The following SLC25A21 variants were observed in gnomAD, a reference collection of about 807,000 sequenced individuals.
The protein encoded by SLC25A21 is mitochondrial 2-oxodicarboxylate carrier.
SLC25A21 carries 47 observed loss-of-function variants against 43.8 expected under a neutral mutation model. The observed-to-expected ratio is 1.07, with a 90% CI of 0.85 to 1.37. The LOEUF is 1.37. Ranked by LOEUF, SLC25A21 falls within the 40% of genes most tolerant of loss-of-function variation. The probability of loss-of-function intolerance (pLI) is 0.00; values close to 1 mark genes in which losing one functional copy is unlikely to be tolerated. For missense variants in SLC25A21, 352 were observed against 350.2 expected, an observed-to-expected ratio of 1.00 and a Z score of -0.04; for synonymous variants, 131 against 121.3, an observed-to-expected ratio of 1.08 and a Z score of -0.52.
At chr14:36,708,359 GCTAT>G (rs1238176994) in intron 7 of SLC25A21, among the ~76,000 whole-genome samples, 1 of 152,214 alleles carries the variant, frequency 6.6e-6, no homozygotes, top group Non-Finnish European at 1.5e-5. Context: ...TGTGGGAAGT[GCTAT>G]CTAATAGATA....
At chr14:36,911,589 G>C (rs1891687782) in intron 1 of SLC25A21, among the ~76,000 whole-genome samples, 1 of 152,108 alleles carries the variant, frequency 6.6e-6, no homozygotes, top group Non-Finnish European at 1.5e-5. Context: ...ATTTCTTTTA[G>C]GGACCCAGCA....
intron 1 of SLC25A21, among the ~76,000 whole-genome samples, chr14:36,912,971 C>T (rs1183759999): frequency 2.0e-5 from 3 of 152,286 alleles, no homozygotes; most frequent in East Asian, 3.9e-4. Context: ...CTTCCTCCAA[C>T]CTTTCTCCTT....
At chr14:36,681,310 T>C (rs1882246362) in intron 9 of SLC25A21, among the ~76,000 whole-genome samples, 1 of 152,196 alleles carries the variant, frequency 6.6e-6, no homozygotes, top group Admixed American at 6.5e-5. Flanking sequence ...CAGTTGTATA[T>C]GGATTTGAAC....
At chr14:36,814,935 A>G (rs980884718) in intron 2 of SLC25A21, among the ~76,000 whole-genome samples, 23 of 152,218 alleles carry the variant, frequency 1.5e-4, no homozygotes, top group African/African-American at 5.5e-4. Flanking sequence ...CCCATCAATG[A>G]TAGACTGGAT....
chr14:36,732,130 TTCTC>T (rs1018425976), intron 4 of SLC25A21, among the ~76,000 whole-genome samples: 1 of 152,246 alleles, frequency 6.6e-6, no homozygotes. Context: ...TGTGGGAATT[TTCTC>T]TCTATGTATA....
At chr14:36,713,190 G>C (rs1883967794) in intron 6 of SLC25A21, among the ~76,000 whole-genome samples, 1 of 152,134 alleles carries the variant, frequency 6.6e-6, no homozygotes, top group South Asian at 2.1e-4. Context: ...GAGCAGCAGA[G>C]AAACCAACGG....
At chr14:36,957,529 C>A (rs2138669664) in intron 1 of SLC25A21, among the ~76,000 whole-genome samples, 1 of 152,338 alleles carries the variant, frequency 6.6e-6, no homozygotes, top group South Asian at 2.1e-4. Flanking sequence ...TAGATCCTTT[C>A]TGCTTCACAG....
At chr14:37,066,528 CA>C (rs1233141996) in intron 1 of SLC25A21, among the ~76,000 whole-genome samples, 1 of 151,832 alleles carries the variant, frequency 6.6e-6, no homozygotes, top group Non-Finnish European at 1.5e-5. Flanking sequence ...TAAAATTTAC[CA>C]TGCAAAAAGT....
intron 1 of SLC25A21, 92 bp downstream of exon 1, chr14:37,172,189 C>G (rs1429743298): frequency 7.6e-7 from 1 of 1,314,130 alleles, no homozygotes; most frequent in African/African-American, 1.5e-5. Flanking sequence ...GAGGGCAGAA[C>G]TTCAGTAAGG....
intron 3 of SLC25A21, among the ~76,000 whole-genome samples, chr14:36,791,041 T>C (rs848101): frequency 0.16 from 24,913 of 152,130 alleles, 2,279 homozygotes; most frequent in Middle Eastern, 0.26. Flanking sequence ...AAGCAATAGC[T>C]ACAGGCTTTC....
chr14:36,685,553 G>C (rs11850405), intron 7 of SLC25A21, among the ~76,000 whole-genome samples: 11,118 of 152,238 alleles, frequency 0.073, 1,241 homozygotes, highest in African/African-American at 0.24. Flanking sequence ...AGTCACTGGA[G>C]TAATTGGCTG....
intron 1 of SLC25A21, among the ~76,000 whole-genome samples, chr14:36,897,094 A>C (rs1440560840): frequency 2.0e-5 from 3 of 152,210 alleles, no homozygotes; most frequent in Non-Finnish European, 4.4e-5. Context: ...CTGCCTTGCT[A>C]GATTGGGGAA....
At chr14:36,894,246 G>A (rs1189115328) in intron 1 of SLC25A21, among the ~76,000 whole-genome samples, 4 of 152,066 alleles carry the variant, frequency 2.6e-5, no homozygotes, top group Admixed American at 2.0e-4. Flanking sequence ...CCTTGAGGAG[G>A]TCCTTCACAT....
chr14:37,018,303 G>A (rs1436219074), intron 1 of SLC25A21, among the ~76,000 whole-genome samples: 1 of 151,836 alleles, frequency 6.6e-6, no homozygotes, highest in Non-Finnish European at 1.5e-5. Context: ...CCTCAACACT[G>A]TTACCTATCT....
At chr14:37,015,039 T>TTTATTA (rs548034724) in intron 1 of SLC25A21, among the ~76,000 whole-genome samples, 1 of 151,716 alleles carries the variant, frequency 6.6e-6, no homozygotes, top group Non-Finnish European at 1.5e-5. Context: ...GGCATAATTC[T>TTTATTA]TTATTATTAT....
At chr14:36,855,647 C>G (rs2138522429) in intron 2 of SLC25A21, among the ~76,000 whole-genome samples, 1 of 152,262 alleles carries the variant, frequency 6.6e-6, no homozygotes, top group East Asian at 1.9e-4. Flanking sequence ...GCTCAGCAAT[C>G]TGGGTTTTAA....
chr14:37,146,671 T>C (rs949749284), intron 1 of SLC25A21, among the ~76,000 whole-genome samples: 10 of 152,240 alleles, frequency 6.6e-5, no homozygotes, highest in African/African-American at 2.4e-4. Flanking sequence ...GTATTATGCA[T>C]TCATTCTTAC....
intron 1 of SLC25A21, among the ~76,000 whole-genome samples, chr14:37,159,486 G>A (rs367562213): frequency 1.3e-5 from 2 of 151,910 alleles, no homozygotes; most frequent in Non-Finnish European, 2.9e-5. Flanking sequence ...GAAAGAATAC[G>A]CTCTTCAAAA....
At chr14:36,722,463 A>G (rs966439046) in intron 6 of SLC25A21, among the ~76,000 whole-genome samples, 3 of 152,224 alleles carry the variant, frequency 2.0e-5, no homozygotes, top group African/African-American at 7.2e-5. Flanking sequence ...ATGTAGGTTC[A>G]TCAGTTAAAA....
Sources: gnomAD v4.1 joint callset for allele counts (sites outside exome capture counted in the v4.1 genomes callset) on GRCh38, gnomAD v4.1.1 for gene constraint, MANE v1.5 for transcripts, NCBI Gene and HGNC (gene_info 2026-07-23, HGNC 2026-07-21) for gene names.